Variants in OSBPL10 observed in about 807,000 individuals in gnomAD.
The protein encoded by OSBPL10 is oxysterol binding protein like 10, also known as oxysterol-binding protein-related protein 10.
Under a neutral mutation model 81.7 loss-of-function variants are expected in OSBPL10, and 49 were observed. That is an observed-to-expected ratio of 0.60 (90% CI 0.48 to 0.76). OSBPL10 has a LOEUF of 0.76. Ranked by LOEUF, OSBPL10 falls within the 30% of genes least tolerant of loss-of-function variation. The pLI is 0.00. For missense variants in OSBPL10, 923 were observed against 987.8 expected (o/e 0.93, Z 0.88); for synonymous variants, 419 against 383.6 (o/e 1.09, Z -1.08).
intron 4 of OSBPL10, among the ~76,000 whole-genome samples, chr3:31,814,250 G>A (rs1459248169): frequency 2.6e-5 from 4 of 152,174 alleles, no homozygotes; most frequent in Admixed American, 1.3e-4. Context: ...GAGCACATAC[G>A]ACAGCTCATT....
At chr3:31,898,042 A>G (rs1696116402) in intron 1 of OSBPL10, among the ~76,000 whole-genome samples, 1 of 149,610 alleles carries the variant, frequency 6.7e-6, no homozygotes, top group Non-Finnish European at 1.5e-5. Context: ...AAAAAACAGA[A>G]GAAGAAGAGA....
intron 3 of OSBPL10, among the ~76,000 whole-genome samples, chr3:31,843,625 TG>T (rs1348873970): frequency 1.3e-5 from 2 of 152,194 alleles, no homozygotes; most frequent in Non-Finnish European, 2.9e-5. Flanking sequence ...TGATCATTGT[TG>T]GCCCTCCTTC....
Position 31,748,057 on chromosome 3 carries a change from A to G in OSBPL10, c.793T>C (p.Ser265Pro), listed in dbSNP as rs980294367. 16 of 1,614,014 alleles carry G rather than the reference A, an allele frequency of 9.9e-6. No individual in the cohort carries two copies. The highest frequency in any genetic ancestry group is 1.3e-5 in the Non-Finnish European group (15 of 1,180,028). ...TGGTCCAAGGCAGTGAGGGGGCCGG[A>G]CCCTGGCAGGGACTCAATGGCGTGC... Reference protein sequence around the residue: ...LVHAIESLPGSGPLTALDQDL... With the variant: ...LVHAIESLPGPGPLTALDQDL... Residue 265 changes from serine to proline, a missense_variant, in exon 5 of 12, where the codon TCC becomes CCC. By Grantham distance (74) the Ser-to-Pro change is moderately conservative (BLOSUM62 -1). Around this residue, in one of 3 missense-constraint regions of OSBPL10, gnomAD observed 514 missense variants for 508.0 expected, o/e 1.01. Coordinates refer to ENST00000396556, the MANE Select transcript of OSBPL10 (RefSeq NM_017784.5).
At chr3:31,695,497 C>G (rs1394740141) in intron 7 of OSBPL10, among the ~76,000 whole-genome samples, 2 of 152,150 alleles carry the variant, frequency 1.3e-5, no homozygotes. Flanking sequence ...TATAGAGTCC[C>G]TGGCCCAACC....
At chr3:32,013,204 C>T (rs1699277727) in intron 2 of OSBPL10, among the ~76,000 whole-genome samples, 1 of 152,168 alleles carries the variant, frequency 6.6e-6, no homozygotes. Context: ...GTAAAGCACT[C>T]CTCAGCAAAT....
At chr3:31,737,473 C>G (rs1575510872) in intron 5 of OSBPL10, among the ~76,000 whole-genome samples, 1 of 151,958 alleles carries the variant, frequency 6.6e-6, no homozygotes, top group South Asian at 2.1e-4. Context: ...GAAACAAGAA[C>G]AGAAAACCAG....
At chr3:32,052,799 G>C (rs765361606) in intron 1 of OSBPL10, among the ~76,000 whole-genome samples, 1 of 152,170 alleles carries the variant, frequency 6.6e-6, no homozygotes, top group Admixed American at 6.6e-5. Flanking sequence ...ATTGGGGCCT[G>C]TCAGGAGTTG....
Position 31,886,064 on chromosome 3 carries a change from G to A in OSBPL10, c.282-6234C>T, listed in dbSNP as rs1399004691. On this transcript the variant is annotated intron_variant, in intron 1 of 11. Coordinates refer to ENST00000396556, the MANE Select transcript of OSBPL10 (RefSeq NM_017784.5). ...AGATGGGGGGTGGGGGGCTGCAGTG[G>A]GAAACAGCTCACTCATGCTGACAGC... is the stretch of plus-strand genomic sequence containing the variant. Among the ~76,000 whole-genome samples, 6 of 151,230 alleles carry A rather than the reference G, an allele frequency of 4.0e-5. No homozygotes were observed. The East Asian group carries it at 9.7e-4, about 24-fold the overall frequency.
intron 1 of OSBPL10, among the ~76,000 whole-genome samples, chr3:31,969,929 G>C (rs992620924): frequency 6.6e-6 from 1 of 151,936 alleles, no homozygotes; most frequent in Non-Finnish European, 1.5e-5. Context: ...AGAGTATGCG[G>C]GGGTGGGGGG....
intron 1 of OSBPL10, among the ~76,000 whole-genome samples, chr3:31,930,026 A>AAAAAT: frequency 6.8e-6 from 1 of 146,788 alleles, no homozygotes; most frequent in South Asian, 2.2e-4. Context: ...AAAAAAAAAA[A>AAAAAT]CAGGTGTGGT....
chr3:31,743,043 T>G (rs550564662), intron 5 of OSBPL10, among the ~76,000 whole-genome samples: 2,719 of 142,986 alleles, frequency 0.019, 98 homozygotes, highest in African/African-American at 0.066. Context: ...TTTTTTTTTT[T>G]TTTTTTTTTT....
chr3:32,066,193 GA>G lies in OSBPL10; in HGVS notation n.185+11202del, dbSNP rs1559557497. ...GGAAGGAAGGAAGGAAGGAAGGAAGGAAGGAAGGAAGGAAGGAAGGAAGGAC... is the reference window on the plus strand; with the variant it reads ...GGAAGGAAGGAAGGAAGGAAGGAAGGAGGAAGGAAGGAAGGAAGGAAGGAC... On this transcript the variant is annotated intron_variant and non_coding_transcript_variant, in intron 1 of 3. Transcript: ENST00000479173. 3.7e-5 allele frequency among the ~76,000 whole-genome samples: 3 copies of G among 80,270 alleles called. 1 individual carries two copies. The highest frequency in any genetic ancestry group is 1.0e-4 in the Non-Finnish European group (3 of 29,804). The allele number at this position is 80,270 out of a possible 152,430, so 52.7% of individuals were successfully genotyped here.
intron 7 of OSBPL10, among the ~76,000 whole-genome samples, chr3:31,694,050 G>A (rs1695636596): frequency 6.6e-6 from 1 of 152,152 alleles, no homozygotes; most frequent in East Asian, 1.9e-4. Flanking sequence ...GATTACGGAT[G>A]TAAGCCACCT....
At chr3:32,070,130 A>C (rs1410899789) in intron 1 of OSBPL10, among the ~76,000 whole-genome samples, 3 of 152,180 alleles carry the variant, frequency 2.0e-5, no homozygotes, top group African/African-American at 7.2e-5. Context: ...GCCGAGCTTT[A>C]GGTAACTCTT....
chr3:31,753,981 C>T (rs756257371), intron 4 of OSBPL10, among the ~76,000 whole-genome samples: 6 of 152,126 alleles, frequency 3.9e-5, no homozygotes, highest in African/African-American at 7.2e-5. Context: ...CAATCCACAA[C>T]CCCCTTCTCC....
At chr3:31,974,022 G>A (rs1698631909) in intron 1 of OSBPL10, among the ~76,000 whole-genome samples, 1 of 152,122 alleles carries the variant, frequency 6.6e-6, no homozygotes, top group Non-Finnish European at 1.5e-5. Flanking sequence ...GCAGTGCCCA[G>A]GCACCTGTAT....
At chr3:31,826,214 G>T (rs1480032289) in intron 4 of OSBPL10, among the ~76,000 whole-genome samples, 2 of 152,138 alleles carry the variant, frequency 1.3e-5, no homozygotes, top group African/African-American at 4.8e-5. Flanking sequence ...CCAGATTGTA[G>T]CAAAAAGACA....
intron 1 of OSBPL10, among the ~76,000 whole-genome samples, chr3:32,052,980 T>C (rs535561580): frequency 1.5e-4 from 21 of 141,146 alleles, no homozygotes; most frequent in Admixed American, 6.5e-4. Flanking sequence ...CAAAAAAAAA[T>C]TGATTGACTT....
intron 1 of OSBPL10, among the ~76,000 whole-genome samples, chr3:31,929,779 C>T (rs949733552): frequency 1.0e-4 from 15 of 149,408 alleles, no homozygotes; most frequent in African/African-American, 3.5e-4. Context: ...AAAAATAAAG[C>T]TCTTACTAAG....
Sources: gnomAD v4.1 joint callset for allele counts (sites outside exome capture counted in the v4.1 genomes callset) on GRCh38, gnomAD v4.1.1 for gene constraint, gnomAD v4.1.1 regional missense constraint, MANE v1.5 for transcripts, NCBI Gene and HGNC (gene_info 2026-07-23, HGNC 2026-07-21) for gene names.